Variants in JAK2 observed in about 807,000 individuals in gnomAD.
JAK2 encodes the protein tyrosine-protein kinase JAK2.
JAK2 carries 86 observed loss-of-function variants against 139.3 expected under a neutral mutation model. That is an observed-to-expected ratio of 0.62 (90% CI 0.52 to 0.74). The LOEUF (loss-of-function observed/expected upper bound fraction) is 0.74. JAK2 is among the 30% of genes least tolerant of loss of function. The pLI is 0.00. For missense variants in JAK2, 1,421 were observed against 1,360.3 expected, an observed-to-expected ratio of 1.04 and a Z score of -0.70; for synonymous variants, 490 against 437.7, an observed-to-expected ratio of 1.12 and a Z score of -1.49.
chr9:5,117,386 T>C (rs1281363372), intron 22 of JAK2, among the ~76,000 whole-genome samples: 1 of 152,236 alleles, frequency 6.6e-6, no homozygotes, highest in Non-Finnish European at 1.5e-5. Context: ...GAAAGATAGC[T>C]CTACTTTTGT....
At chr9:5,009,212 A>G (rs949947320) in intron 2 of JAK2, among the ~76,000 whole-genome samples, 2 of 149,308 alleles carry the variant, frequency 1.3e-5, no homozygotes, top group Admixed American at 6.6e-5. Context: ...AGCAGGTGTT[A>G]AACACCTGTG....
intron 2 of JAK2, 131 bp downstream of exon 2, chr9:4,986,153 G>C (rs2129666507): frequency 6.6e-6 from 1 of 152,472 alleles, no homozygotes; most frequent in Admixed American, 6.5e-5. Context: ...GAAAATGTCA[G>C]TGCTAAACTT....
At chr9:5,085,161 T>G (rs1001953427) in intron 19 of JAK2, 2 of 650,294 alleles carry the variant, frequency 3.1e-6, no homozygotes, top group Non-Finnish European at 3.0e-6. Flanking sequence ...GAGCTCTGTC[T>G]ACATCTCCCG....
intron 6 of JAK2, among the ~76,000 whole-genome samples, chr9:5,053,589 GA>G (rs1240787317): frequency 1.3e-5 from 2 of 151,988 alleles, no homozygotes; most frequent in African/African-American, 2.4e-5. Flanking sequence ...AGTTTCTCTT[GA>G]AATAATGGAA....
At chr9:5,048,249 C>A (rs561208593) in intron 5 of JAK2, among the ~76,000 whole-genome samples, 1 of 152,176 alleles carries the variant, frequency 6.6e-6, no homozygotes, top group Non-Finnish European at 1.5e-5. Context: ...TCAAGTGATT[C>A]TCCTGACTCA....
chr9:5,112,669 G>A (rs922239514), intron 22 of JAK2: 13 of 951,422 alleles, frequency 1.4e-5, no homozygotes, highest in Middle Eastern at 2.4e-4. Context: ...TCCTGCACCA[G>A]GCCGTCTCGG....
chr9:5,034,454 C>A (rs9777208), intron 4 of JAK2, among the ~76,000 whole-genome samples: 58,520 of 151,832 alleles, frequency 0.39, 13,245 homozygotes, highest in African/African-American at 0.64. Flanking sequence ...AGCACCACAC[C>A]ACACCTATTC....
intron 22 of JAK2, among the ~76,000 whole-genome samples, chr9:5,092,520 C>G (rs544793497): frequency 7.9e-5 from 12 of 152,130 alleles, no homozygotes; most frequent in African/African-American, 2.9e-4. Flanking sequence ...ATTAAACCAT[C>G]GTAATCAAAC....
chr9:5,118,938 T>C (rs1823407852), intron 22 of JAK2, among the ~76,000 whole-genome samples: 1 of 152,184 alleles, frequency 6.6e-6, no homozygotes, highest in Non-Finnish European at 1.5e-5. Flanking sequence ...CTGAAAAGTA[T>C]ACCAAAAAGC....
chr9:5,112,204 A>G (rs921848823), intron 22 of JAK2: 1 of 272,118 alleles, frequency 3.7e-6, no homozygotes, highest in South Asian at 3.3e-5. Context: ...CGCCGGCCCC[A>G]TGCTGCTGGT....
At chr9:5,000,661 T>C (rs1444792710) in intron 2 of JAK2, among the ~76,000 whole-genome samples, 1 of 152,214 alleles carries the variant, frequency 6.6e-6, no homozygotes, top group Non-Finnish European at 1.5e-5. Context: ...CCCTATATGC[T>C]CAAAACATTT....
intron 22 of JAK2, chr9:5,094,623 T>C (rs544056531): frequency 6.6e-6 from 1 of 151,994 alleles, no homozygotes; most frequent in South Asian, 2.2e-4. Context: ...AGCCATATTA[T>C]GATTTATTTC....
chr9:5,025,445 A>G (rs1229747955), intron 3 of JAK2, among the ~76,000 whole-genome samples: 1 of 150,214 alleles, frequency 6.7e-6, no homozygotes, highest in Non-Finnish European at 1.5e-5. Context: ...CTTCATTGTT[A>G]TTTTGTTATT....
chr9:5,027,990 T>C (rs1822887918), intron 3 of JAK2, among the ~76,000 whole-genome samples: 1 of 152,222 alleles, frequency 6.6e-6, no homozygotes, highest in Admixed American at 6.5e-5. Flanking sequence ...CTCCTGTTAA[T>C]GTTGACATTT....
chr9:5,126,171 A>G, intron 23 of JAK2, 162 bp from the exon 24 acceptor site: 2 of 522,424 alleles, frequency 3.8e-6, no homozygotes, highest in East Asian at 3.2e-5. Context: ...CATATTTAAC[A>G]GCCTTATGTT....
chr9:5,110,447 CAT>C (rs1822367124), intron 22 of JAK2: 1 of 152,672 alleles, frequency 6.5e-6, no homozygotes, highest in Admixed American at 6.5e-5. Context: ...CATTCCTTCA[CAT>C]GTGCACCCAC....
intron 4 of JAK2, among the ~76,000 whole-genome samples, chr9:5,043,684 GAAAC>G (rs1816783448): frequency 6.6e-6 from 1 of 152,086 alleles, no homozygotes; most frequent in South Asian, 2.1e-4. Flanking sequence ...AAAAATAATA[GAAAC>G]AAACCCAAAT....
At chr9:5,082,152 G>A (rs186524660) in intron 19 of JAK2, among the ~76,000 whole-genome samples, 1 of 152,306 alleles carries the variant, frequency 6.6e-6, no homozygotes, top group African/African-American at 2.4e-5. Flanking sequence ...GGGCCCAGGG[G>A]ACCAGTGCTC....
At chr9:5,106,721 A>G (rs1181869575) in intron 22 of JAK2, among the ~76,000 whole-genome samples, 2 of 152,198 alleles carry the variant, frequency 1.3e-5, no homozygotes, top group Non-Finnish European at 2.9e-5. Flanking sequence ...ATGCAGCCAT[A>G]AACAAGGGTG....
Sources: allele counts gnomAD v4.1 joint callset (sites outside exome capture counted in the v4.1 genomes callset), GRCh38; gene constraint gnomAD v4.1.1; transcripts MANE v1.5; gene names NCBI Gene and HGNC (gene_info 2026-07-23, HGNC 2026-07-21).